Variants in CEP170B observed in about 807,000 individuals in gnomAD.
CEP170B encodes the protein centrosomal protein of 170 kDa protein B.
Under a neutral mutation model 120.6 loss-of-function variants are expected in CEP170B, and 55 were observed. The ratio of observed to expected loss-of-function variants is 0.46; its 90% CI spans 0.37 to 0.57. The LOEUF (loss-of-function observed/expected upper bound fraction) is 0.57, where lower values mean the gene tolerates loss of function less well. CEP170B is among the 20% of genes least tolerant of loss of function. The pLI is 0.00. For missense variants in CEP170B, 2,212 were observed against 2,253.3 expected, an observed-to-expected ratio of 0.98 and a Z score of 0.37; for synonymous variants, 1,033 against 954.5, an observed-to-expected ratio of 1.08 and a Z score of -1.52.
At position 104,878,511 on chromosome 14, in the gene CEP170B, G is replaced by C; in HGVS notation, c.333+10G>C. The stretch of plus-strand genomic sequence containing the variant: ...GGAGGAGGCACTCAAGGTTAGTGCT[G>C]GCCAAGCCCGGGTGGCTCAGCCACG... On this transcript the variant is annotated intron_variant, in intron 5 of 18. Coordinates refer to ENST00000414716, the MANE Select transcript of CEP170B (RefSeq NM_001112726.3). 2 of 1,609,534 alleles carry C rather than the reference G, an allele frequency of 1.2e-6. No homozygotes were observed. The highest frequency in any genetic ancestry group is 1.7e-6 in the Non-Finnish European group (2 of 1,179,254).
In CEP170B at chr14:104,884,148, C is replaced by G; in HGVS notation, c.1369C>G (p.Arg457Gly). The G allele has an allele frequency of 6.4e-7, 1 of 1,555,926 alleles. No homozygotes were observed. The highest frequency in any genetic ancestry group is 8.7e-7 in the Non-Finnish European group (1 of 1,151,450). ...CCCAGCCCCAGTCCAGGCAGGGGGC[C>G]GCAGCTCGGGGCCACAGAGGGCCGG... ...SVPAPVQAGG[R>G]SSGPQRAGSL... The change falls in exon 9 of 19, where the codon CGC becomes GGC. Residue 457 changes from arginine (R) to glycine (G), a missense_variant. Coordinates refer to ENST00000414716, the MANE Select transcript of CEP170B (RefSeq NM_001112726.3).
chr14:104,884,592 G>T (rs1318561773), intron 9 of CEP170B, 43 bp downstream of exon 9: 21 of 1,512,660 alleles, frequency 1.4e-5, no homozygotes, highest in Non-Finnish European at 1.9e-5. Flanking sequence ...GGGAACGGGG[G>T]GGTGGAGGCG....
At chr14:104,866,072 C>T (rs1171464044) in intron 1 of CEP170B, among the ~76,000 whole-genome samples, 1 of 152,230 alleles carries the variant, frequency 6.6e-6, no homozygotes, top group Admixed American at 6.5e-5. Flanking sequence ...GTGGCCCTTC[C>T]GGCCGGGGCG....
chr14:104,875,975 T>C (rs1274421423), intron 2 of CEP170B, among the ~76,000 whole-genome samples: 5 of 152,138 alleles, frequency 3.3e-5, no homozygotes, highest in Non-Finnish European at 7.4e-5. Context: ...GTGTGCCAGA[T>C]GACCAGAGGG....
chr14:104,890,431 T>A (rs1896767749), intron 13 of CEP170B, among the ~76,000 whole-genome samples: 1 of 135,428 alleles, frequency 7.4e-6, no homozygotes, highest in African/African-American at 2.8e-5. Flanking sequence ...AATGGATGAG[T>A]GAGTGGGTGG....
intron 14 of CEP170B, 73 bp downstream of exon 14, chr14:104,893,208 C>T: frequency 6.8e-7 from 1 of 1,472,426 alleles, no homozygotes; most frequent in Non-Finnish European, 9.1e-7. Flanking sequence ...TCCCCACAGC[C>T]CTTTGCATGC....
intron 6 of CEP170B, 29 bp downstream of exon 6, chr14:104,880,454 G>A (rs140250993): frequency 5.6e-6 from 9 of 1,605,064 alleles, no homozygotes; most frequent in Middle Eastern, 3.5e-4. Flanking sequence ...GATGGGGTGA[G>A]CACACAGGGC....
Position 104,893,742 on chromosome 14 carries a change from T to G in CEP170B, c.4183-19T>G, listed in dbSNP as rs1331682334. The G allele has an allele frequency of 3.7e-6, 6 of 1,600,134 alleles. No individual in the cohort carries two copies. The highest frequency in any genetic ancestry group is 5.1e-6 in the Non-Finnish European group (6 of 1,174,254). On this transcript the variant is annotated intron_variant, in intron 15 of 18. Transcript: ENST00000414716. ...GGGCTCCTCGAGGGCGGGGCCATGC[T>G]GAGGCCGGGCTCTTGCAGGTGATCT...
intron 16 of CEP170B, 46 bp downstream of exon 16, chr14:104,893,895 G>C: frequency 6.5e-7 from 1 of 1,533,232 alleles, no homozygotes. Context: ...CACCAGCACA[G>C]CTGCATGAGC....
intron 4 of CEP170B, 101 bp from the exon 5 acceptor site, chr14:104,878,342 G>A (rs1895970115): frequency 4.9e-6 from 6 of 1,224,522 alleles, no homozygotes; most frequent in South Asian, 2.6e-5. Flanking sequence ...TCCTCTGCCT[G>A]CCTCGATGGG....
At position 104,886,730 on chromosome 14, in the gene CEP170B, C is replaced by G. The variant is rs368461395; in HGVS notation, c.2491C>G (p.Pro831Ala). The change falls in exon 12 of 19, where the codon CCA becomes GCA. Residue 831 changes from proline (P) to alanine (A), a missense_variant. Around this residue, in one of 2 missense-constraint regions of CEP170B, gnomAD observed 2,166 missense variants for 2,166.7 expected, o/e 1.00. Coordinates refer to ENST00000414716, the MANE Select transcript of CEP170B (RefSeq NM_001112726.3). ...AGGGCAGACAGCCCAGCCCAGCCCC[C>G]CAGCACGGGATGGCGTCTATGTCAG... The part of the protein sequence containing the change: ...GLGQTAQPSP[P>A]ARDGVYVSAN... 5.8e-5 allele frequency: 93 copies of G among 1,606,276 alleles called. No homozygotes were observed. The highest frequency in any genetic ancestry group is 7.7e-5 in the Non-Finnish European group (90 of 1,176,240).
rs1040924410 is a variant in CEP170B at position 104,887,206 on chromosome 14, G to A, written c.2967G>A (p.Pro989=). Residue 989 remains proline, a synonymous_variant, in exon 12 of 19, where the codon CCG becomes CCA. Transcript: ENST00000414716. The stretch of plus-strand genomic sequence containing the variant: ...CACAGAAGGAGATGTCGCCATCCCC[G>A]CCAGCTGCACAGGACCCGGGAGGCA... ...LRAQKEMSPS[P]PAAQDPGGTA... is the part of the protein sequence containing the mutation. 56 of 1,605,642 alleles carry A rather than the reference G, an allele frequency of 3.5e-5. 1 individual carries two copies. In the East Asian group the frequency reaches 8.0e-4, roughly 23 times the overall value.
At chr14:104,879,501 G>A (rs751452897) in intron 5 of CEP170B, among the ~76,000 whole-genome samples, 4 of 152,118 alleles carry the variant, frequency 2.6e-5, no homozygotes, top group African/African-American at 4.8e-5. Context: ...GTTTATAAGG[G>A]TTTTACGCTG....
Position 104,894,582 on chromosome 14 carries a change from C to G in CEP170B, c.4411C>G (p.Leu1471Val). The stretch of plus-strand genomic sequence containing the variant: ...GGAACTGAGGCGGGTGCAGAAACAG[C>G]TGGAAGGTGAGTGTGGCCCAAGCCT... The part of the protein sequence containing the change: ...LKELRRVQKQ[L>V]EVINAIVDPS... The change falls in exon 18 of 19, where the codon CTG (leucine) becomes GTG (valine). Residue 1471 changes from leucine (L) to valine (V), a missense_variant. Physicochemically the swap from Leu to Val is conservative, Grantham distance 32 (BLOSUM62 1). Around this residue, in one of 2 missense-constraint regions of CEP170B, gnomAD observed 2,166 missense variants for 2,166.7 expected, o/e 1.00. Transcript: ENST00000414716. 1.9e-6 allele frequency: 3 copies of G among 1,612,026 alleles called. No homozygotes were observed. Among genetic ancestry groups the G allele is most frequent in the Non-Finnish European group, 2.5e-6 (3 of 1,178,768 alleles).
chr14:104,885,419 CT>C lies in CEP170B; in HGVS notation c.1824del (p.Arg609AlafsTer214). 1 of 1,566,960 alleles carries C rather than the reference CT, an allele frequency of 6.4e-7. No homozygotes were observed. The highest frequency in any genetic ancestry group is 8.6e-7 in the Non-Finnish European group (1 of 1,156,410). ...PELSRASSAT[F>X]RPVIRGDRDE... Reference sequence around the variant, plus strand: ...AACTCTCCAGGGCATCTTCGGCCACCTTTCGCCCAGTCATCAGAGGGGACAG... The same window carrying C: ...AACTCTCCAGGGCATCTTCGGCCACCTTCGCCCAGTCATCAGAGGGGACAG... On this transcript the variant is annotated frameshift_variant, in exon 10 of 19. Coordinates refer to ENST00000414716, the MANE Select transcript of CEP170B (RefSeq NM_001112726.3). LOFTEE classifies it high-confidence loss of function.
intron 2 of CEP170B, among the ~76,000 whole-genome samples, chr14:104,875,144 C>T (rs1259863255): frequency 6.6e-6 from 1 of 152,200 alleles, no homozygotes; most frequent in Non-Finnish European, 1.5e-5. Context: ...AGTGACCAGC[C>T]TGAGGGGCCC....
In CEP170B at chr14:104,872,404, TGGGTGTGCC is replaced by T. The variant is rs1566852550; in HGVS notation, c.106-3850_106-3842del. Among the ~76,000 whole-genome samples the T allele has an allele frequency of 8.7e-3, 615 of 71,066 alleles. 24 individuals are homozygous for T. The highest frequency in any genetic ancestry group is 0.045 in the Middle Eastern group (3 of 66). The allele number at this position is 71,066 out of a possible 152,430, so 46.6% of individuals were successfully genotyped here. A position where few individuals can be genotyped will look rare whatever the true frequency, so the allele number is the denominator to read the frequency against. ...TGTGCATGTGTGCCGTGGGTGTGCG[TGGGTGTGCC>T]GTGGGTGTGCCGTGCGTGTGTGCGT... On this transcript the variant is annotated intron_variant, in intron 2 of 18. Transcript: ENST00000414716.
At chr14:104,889,855 T>C (rs1305406298) in intron 13 of CEP170B, 97 bp downstream of exon 13, 3 of 1,302,702 alleles carry the variant, frequency 2.3e-6, no homozygotes, top group Non-Finnish European at 3.2e-6. Context: ...GCTCCCTTCT[T>C]GAGTGGATAG....
Position 104,870,903 on chromosome 14 carries a change from C to T in CEP170B, c.105+2348C>T, listed in dbSNP as rs1187951527. On this transcript the variant is annotated intron_variant, in intron 2 of 18. Transcript: ENST00000414716. This position sits in a 1 kb window ranked among gnomAD's most constrained non-coding sequence, Gnocchi z 4.1. ...GAGTGTGGGAAGGCTGTCTGCCTCC[C>T]GGTGCCCCTGCAGCGGCCTCCTACC... Among the ~76,000 whole-genome samples, 2 of 152,040 alleles carry T rather than the reference C, an allele frequency of 1.3e-5. No homozygotes were observed. The highest frequency in any genetic ancestry group is 1.3e-4 in the Admixed American group (2 of 15,274).
Sources: gnomAD v4.1 joint callset for allele counts (sites outside exome capture counted in the v4.1 genomes callset) on GRCh38, gnomAD v4.1.1 for gene constraint, gnomAD v4.1.1 regional missense constraint, Gnocchi (gnomAD v3.1) non-coding constraint, MANE v1.5 for transcripts, NCBI Gene and HGNC (gene_info 2026-07-23, HGNC 2026-07-21) for gene names.